Variants in KAZN observed in about 807,000 individuals in gnomAD.
The protein encoded by KAZN is kazrin.
KAZN carries 40 observed loss-of-function variants against 87.4 expected under a neutral mutation model. That is an observed-to-expected ratio of 0.46 (90% confidence interval 0.36 to 0.60). The LOEUF (loss-of-function observed/expected upper bound fraction) is 0.60, where lower values mean the gene tolerates loss of function less well. Ranked by LOEUF, KAZN falls within the 20% of genes least tolerant of loss-of-function variation. The pLI is 0.00. For missense variants in KAZN, 898 were observed against 1,073.9 expected (o/e 0.84, Z 2.29); for synonymous variants, 466 against 458.3 (o/e 1.02, Z -0.22).
intron 2 of KAZN, among the ~76,000 whole-genome samples, chr1:14,405,990 C>G (rs573985598): frequency 6.6e-6 from 1 of 152,242 alleles, no homozygotes; most frequent in South Asian, 2.1e-4. Flanking sequence ...TTAATCGGTG[C>G]ACAAAATGAG....
chr1:14,570,369 C>T (rs1453157089), intron 2 of KAZN, among the ~76,000 whole-genome samples: 1 of 152,178 alleles, frequency 6.6e-6, no homozygotes, highest in Non-Finnish European at 1.5e-5. Flanking sequence ...CAAAAACAAA[C>T]CTTGTACCTT....
At chr1:14,418,702 C>CT (rs1381420016) in intron 2 of KAZN, among the ~76,000 whole-genome samples, 1 of 152,148 alleles carries the variant, frequency 6.6e-6, no homozygotes, top group Non-Finnish European at 1.5e-5. Flanking sequence ...CCCAAAGCAA[C>CT]TTTTTGTCTA....
At chr1:14,659,093 C>G (rs1638989512) in intron 1 of KAZN, among the ~76,000 whole-genome samples, 1 of 152,036 alleles carries the variant, frequency 6.6e-6, no homozygotes, top group South Asian at 2.1e-4. Context: ...CAAAAATTAC[C>G]TGGGCATGGC....
intron 1 of KAZN, among the ~76,000 whole-genome samples, chr1:13,967,768 A>G (rs1356112520): frequency 1.3e-5 from 2 of 152,202 alleles, no homozygotes; most frequent in Non-Finnish European, 2.9e-5. Flanking sequence ...TTCAGATCCC[A>G]GTTCTCATTT....
intron 2 of KAZN, among the ~76,000 whole-genome samples, chr1:14,536,799 T>C (rs1672527420): frequency 6.6e-6 from 1 of 152,104 alleles, no homozygotes; most frequent in East Asian, 1.9e-4. Flanking sequence ...GGAGAATCAC[T>C]TGAACCCGGG....
chr1:14,003,316 G>A (rs1334877407), intron 1 of KAZN, among the ~76,000 whole-genome samples: 2 of 148,290 alleles, frequency 1.3e-5, no homozygotes, highest in South Asian at 4.4e-4. Context: ...ATGTATCCTG[G>A]AACTTAAAGT....
At chr1:13,935,068 C>T (rs1640669375) in intron 1 of KAZN, among the ~76,000 whole-genome samples, 1 of 151,844 alleles carries the variant, frequency 6.6e-6, no homozygotes, top group East Asian at 1.9e-4. Flanking sequence ...GAAACCCTGT[C>T]TCTACTAAAG....
At chr1:14,278,478 C>T (rs527759420) in intron 2 of KAZN, among the ~76,000 whole-genome samples, 17 of 151,826 alleles carry the variant, frequency 1.1e-4, no homozygotes, top group African/African-American at 3.1e-4. Context: ...TTAATAGAGA[C>T]GGGGTTTTAC....
At chr1:15,102,716 G>C (rs1249883844) in intron 11 of KAZN, among the ~76,000 whole-genome samples, 1 of 152,230 alleles carries the variant, frequency 6.6e-6, no homozygotes, top group African/African-American at 2.4e-5. Context: ...GACCCAGGGA[G>C]GCCTGCGATA....
intron 1 of KAZN, among the ~76,000 whole-genome samples, chr1:13,986,329 T>G (rs1018639432): frequency 6.6e-6 from 1 of 152,196 alleles, no homozygotes; most frequent in African/African-American, 2.4e-5. Context: ...TTTGATGAGA[T>G]TGGGGTAATT....
chr1:14,877,338 C>A (rs12032652), intron 1 of KAZN, among the ~76,000 whole-genome samples: 2 of 152,260 alleles, frequency 1.3e-5, no homozygotes, highest in East Asian at 3.9e-4. Context: ...TCTAGAAGTT[C>A]CAGAAAAAGT....
At chr1:14,456,596 G>C (rs1031705911) in intron 2 of KAZN, among the ~76,000 whole-genome samples, 5 of 152,086 alleles carry the variant, frequency 3.3e-5, no homozygotes, top group Admixed American at 6.5e-5. Context: ...TTGCTATGCG[G>C]CCTCCATATG....
rs1340478421 is a variant in KAZN at position 14,666,269 on chromosome 1, C to T, written c.226+67046C>T. ...AGCATTATGGTCTTGTTGGGTGAGT[C>T]GGTATCAGCAGGATTTGTAGAGGGT... On this transcript the variant is annotated intron_variant, in intron 1 of 14. Transcript: ENST00000376030. 5.3e-5 allele frequency among the ~76,000 whole-genome samples: 8 copies of T among 152,068 alleles called. No individual in the cohort carries two copies. In the South Asian group the frequency reaches 1.2e-3, roughly 24 times the overall value.
At chr1:14,096,657 A>G (rs1422271049) in intron 1 of KAZN, among the ~76,000 whole-genome samples, 2 of 152,198 alleles carry the variant, frequency 1.3e-5, no homozygotes, top group Admixed American at 6.5e-5. Context: ...CCCTCAGAAT[A>G]TAGGAGAGGG....
At chr1:14,993,970 G>A (rs1667618534) in intron 2 of KAZN, among the ~76,000 whole-genome samples, 1 of 152,186 alleles carries the variant, frequency 6.6e-6, no homozygotes, top group South Asian at 2.1e-4. Flanking sequence ...TTCTGGGTGT[G>A]TTTGTGGTTT....
intron 1 of KAZN, among the ~76,000 whole-genome samples, chr1:13,998,372 C>G (rs993473798): frequency 1.3e-5 from 2 of 152,136 alleles, no homozygotes; most frequent in Admixed American, 6.5e-5. Flanking sequence ...TCACACATAA[C>G]AATACTAACC....
At chr1:14,530,554 G>A (rs1383006850) in intron 2 of KAZN, among the ~76,000 whole-genome samples, 2 of 152,014 alleles carry the variant, frequency 1.3e-5, no homozygotes, top group Non-Finnish European at 2.9e-5. Context: ...CCCTCCCCAT[G>A]GTAATGAGTG....
At chr1:14,202,016 G>C (rs1005261367) in intron 2 of KAZN, among the ~76,000 whole-genome samples, 1 of 152,184 alleles carries the variant, frequency 6.6e-6, no homozygotes, top group Non-Finnish European at 1.5e-5. Context: ...AACATGGAGT[G>C]CTTCTTAAAT....
At chr1:14,494,960 G>A (rs1403623594) in intron 2 of KAZN, among the ~76,000 whole-genome samples, 2 of 152,164 alleles carry the variant, frequency 1.3e-5, no homozygotes, top group Non-Finnish European at 2.9e-5. Context: ...GGAGCACAGA[G>A]AGCACCAGTG....
Sources: gnomAD v4.1 joint callset for allele counts (sites outside exome capture counted in the v4.1 genomes callset) on GRCh38, gnomAD v4.1.1 for gene constraint, MANE v1.5 for transcripts, NCBI Gene and HGNC (gene_info 2026-07-23, HGNC 2026-07-21) for gene names.